EIF2A: variants seen among roughly 807,000 people sequenced by gnomAD.
EIF2A encodes the protein 65 kDa eukaryotic translation initiation factor 2A.
A neutral mutation model predicts 75.2 loss-of-function variants in EIF2A; 62 were observed. The ratio of observed to expected loss-of-function variants is 0.82; its 90% CI spans 0.67 to 1.02. The LOEUF is 1.02. Among genes scored for constraint, EIF2A ranks in the 50% least tolerant of loss-of-function variants. EIF2A has a pLI of 0.00. For missense variants in EIF2A, 611 were observed against 677.7 expected, an observed-to-expected ratio of 0.90 and a Z score of 1.09; for synonymous variants, 207 against 239.0, an observed-to-expected ratio of 0.87 and a Z score of 1.23.
rs182999617 is a variant in EIF2A at position 150,583,744 on chromosome 3, G to A, written c.1693-102G>A. The A allele has an allele frequency of 2.1e-5, 22 of 1,061,120 alleles. No homozygotes were observed. In the Admixed American group the frequency reaches 5.0e-4, roughly 24 times the overall value. 65.7% of individuals were successfully genotyped at this position (1,061,120 alleles called of 1,614,324 possible). A position where few individuals can be genotyped will look rare whatever the true frequency, so the allele number is the denominator to read the frequency against. The stretch of plus-strand genomic sequence containing the variant: ...TGTATTTTAAAATCTGTGTTTACTA[G>A]TGAACATAATAAATTGTCAGAAATA... On this transcript the variant is annotated intron_variant, in intron 13 of 13. Transcript: ENST00000460851.
chr3:150,562,863 A>G, intron 4 of EIF2A: 1 of 384,746 alleles, frequency 2.6e-6, no homozygotes, highest in South Asian at 3.4e-5. Context: ...GGTATATGGT[A>G]AGTTAATGTA....
rs1012311479 is a variant in EIF2A at position 150,585,281 on chromosome 3, A to C, written c.*1370A>C. The C allele has an allele frequency of 9.8e-5, 15 of 152,350 alleles. No homozygotes were observed. The highest frequency in any genetic ancestry group is 1.5e-5 in the Non-Finnish European group (1 of 68,182). 9.4% of individuals were successfully genotyped at this position (152,350 alleles called of 1,614,324 possible). ...ACACCTGTAATCCCAGCACCTTGGG[A>C]GGCCAAGGTGGGTGGATCACCTGAG... On this transcript the variant is annotated 3_prime_UTR_variant, in exon 14 of 14. Transcript: ENST00000460851.
chr3:150,565,759 T>C (rs1724140310), intron 6 of EIF2A: 1 of 153,456 alleles, frequency 6.5e-6, no homozygotes, highest in Non-Finnish European at 1.4e-5. Flanking sequence ...GATCTCATTA[T>C]GTTGCCCAGG....
At position 150,564,283 on chromosome 3, in the gene EIF2A, T is replaced by G. The variant is rs777896594; in HGVS notation, c.393-16T>G. Reference sequence around the variant, plus strand: ...CTGAATATTTTTTATACTTTTTTTTTTTTTCATTGACATAGGTGTCCATCC... The same window carrying G: ...CTGAATATTTTTTATACTTTTTTTTGTTTTCATTGACATAGGTGTCCATCC... On this transcript the variant is annotated splice_polypyrimidine_tract_variant and intron_variant, in intron 5 of 13. Transcript: ENST00000460851. 6.5e-7 allele frequency: 1 copy of G among 1,533,718 alleles called. No homozygotes were observed. The highest frequency in any genetic ancestry group is 8.7e-7 in the Non-Finnish European group (1 of 1,145,876).
chr3:150,548,737 A>G (rs746916391), intron 1 of EIF2A, among the ~76,000 whole-genome samples: 3 of 152,208 alleles, frequency 2.0e-5, no homozygotes, highest in East Asian at 1.9e-4. Context: ...AAGGATGACA[A>G]TTGTCTTACA....
intron 2 of EIF2A, among the ~76,000 whole-genome samples, chr3:150,555,559 T>C (rs1723516630): frequency 6.7e-6 from 1 of 149,586 alleles, no homozygotes; most frequent in Admixed American, 6.7e-5. Flanking sequence ...CACCCGGCCA[T>C]GTATGCACAT....
chr3:150,583,333 T>C, intron 13 of EIF2A, 68 bp downstream of exon 13: 2 of 1,471,368 alleles, frequency 1.4e-6, no homozygotes, highest in Non-Finnish European at 1.9e-6. Context: ...TATAAACAAG[T>C]ATTTAGTCAG....
chr3:150,572,129 T>C lies in EIF2A; in HGVS notation c.983T>C (p.Ile328Thr), dbSNP rs767848883. 4 of 1,613,886 alleles carry C rather than the reference T, an allele frequency of 2.5e-6. No individual in the cohort carries two copies. The highest frequency in any genetic ancestry group is 2.7e-5 in the African/African-American group (2 of 74,916). Residue 328 changes from isoleucine (I) to threonine (T), a missense_variant, in exon 10 of 14, where the codon ATA (isoleucine) becomes ACA (threonine). Ile to Thr is a moderately conservative substitution (Grantham distance 89, BLOSUM62 -1). Coordinates refer to ENST00000460851, the MANE Select transcript of EIF2A (RefSeq NM_032025.5). ...GCCTACTATAGCCCTCATGGACATA[T>C]ATTAGTATTAGCTGGATTTGGAAAT... Reference protein sequence around the residue: ...NAAYYSPHGHILVLAGFGNLR... With the variant: ...NAAYYSPHGHTLVLAGFGNLR...
At chr3:150,548,253 G>A (rs902257539) in intron 1 of EIF2A, among the ~76,000 whole-genome samples, 1 of 152,028 alleles carries the variant, frequency 6.6e-6, no homozygotes, top group Non-Finnish European at 1.5e-5. Flanking sequence ...TTTTTCATCT[G>A]TTGAAATTAA....
chr3:150,553,882 C>T (rs1723438417), intron 2 of EIF2A, among the ~76,000 whole-genome samples: 1 of 152,110 alleles, frequency 6.6e-6, no homozygotes, highest in Non-Finnish European at 1.5e-5. Context: ...AAAACATTTG[C>T]ATTTCCTAGT....
intron 2 of EIF2A, among the ~76,000 whole-genome samples, chr3:150,556,097 C>T (rs935468876): frequency 1.3e-5 from 2 of 152,156 alleles, no homozygotes; most frequent in African/African-American, 2.4e-5. Context: ...AAGTATGGCC[C>T]TTAACTCTGC....
At chr3:150,554,091 CTAA>C (rs142075025) in intron 2 of EIF2A, among the ~76,000 whole-genome samples, 2,193 of 152,234 alleles carry the variant, frequency 0.014, 36 homozygotes, top group African/African-American at 0.05. Flanking sequence ...CTATAAAAGA[CTAA>C]TGAGATTTTG....
chr3:150,554,692 C>A (rs566979057), intron 2 of EIF2A, among the ~76,000 whole-genome samples: 2 of 152,160 alleles, frequency 1.3e-5, no homozygotes, highest in South Asian at 2.1e-4. Flanking sequence ...ATGCTGAAAC[C>A]TTTAGCTGAA....
chr3:150,561,823 C>T (rs1723882285), intron 3 of EIF2A, among the ~76,000 whole-genome samples: 3 of 149,408 alleles, frequency 2.0e-5, no homozygotes, highest in African/African-American at 7.4e-5. Context: ...TGGAGTCTCA[C>T]TCTGTCACCC....
At chr3:150,571,924 T>A (rs1360264359) in intron 9 of EIF2A, 34 bp from the exon 10 acceptor site, 1 of 1,558,494 alleles carries the variant, frequency 6.4e-7, no homozygotes, top group East Asian at 2.2e-5. Flanking sequence ...TATAGTTCTT[T>A]ATTGCTAATT....
chr3:150,552,455 A>G (rs1409846276), intron 2 of EIF2A, 30 bp downstream of exon 2: 1 of 1,531,042 alleles, frequency 6.5e-7, no homozygotes, highest in Non-Finnish European at 8.9e-7. Flanking sequence ...GTAATGTTAT[A>G]GGGAACATAC....
intron 13 of EIF2A, 66 bp downstream of exon 13, chr3:150,583,331 A>G (rs1725299744): frequency 1.3e-6 from 2 of 1,490,706 alleles, no homozygotes; most frequent in African/African-American, 1.4e-5. Context: ...ATTATAAACA[A>G]GTATTTAGTC....
chr3:150,564,167 T>C (rs185602564), intron 5 of EIF2A, 132 bp from the exon 6 acceptor site: 2 of 670,264 alleles, frequency 3.0e-6, no homozygotes, highest in Admixed American at 7.1e-5. Flanking sequence ...TGACTTAATA[T>C]CATATTTATA....
chr3:150,546,966 G>C, intron 1 of EIF2A, 136 bp downstream of exon 1: 1 of 1,239,362 alleles, frequency 8.1e-7, no homozygotes, highest in Non-Finnish European at 1.1e-6. Flanking sequence ...CCAGACTGTT[G>C]GCTTTCTTGA....
Sources: allele counts gnomAD v4.1 joint callset (sites outside exome capture counted in the v4.1 genomes callset), GRCh38; gene constraint gnomAD v4.1.1; transcripts MANE v1.5; gene names NCBI Gene and HGNC (gene_info 2026-07-23, HGNC 2026-07-21).